The following PTPRT variants were observed in gnomAD, a reference collection of about 807,000 sequenced individuals.
PTPRT encodes protein tyrosine phosphatase receptor type T, also known as receptor-type tyrosine-protein phosphatase T.
In PTPRT, 56 loss-of-function variants were observed where a neutral mutation model predicts 176.8. The ratio of observed to expected loss-of-function variants is 0.32; its 90% CI spans 0.26 to 0.40. The LOEUF is 0.40. PTPRT is among the 10% of genes least tolerant of loss of function. PTPRT has a pLI of 1.00. For missense variants in PTPRT, 1,540 were observed against 1,908.2 expected (o/e 0.81, Z 3.60); for synonymous variants, 783 against 739.0 (o/e 1.06, Z -0.96).
At chr20:42,865,872 C>T (rs8124627) in intron 2 of PTPRT, among the ~76,000 whole-genome samples, 5,996 of 152,208 alleles carry the variant, frequency 0.039, 300 homozygotes, top group African/African-American at 0.11. Flanking sequence ...GCACTCCCTC[C>T]GTCTCCTTCT....
intron 7 of PTPRT, among the ~76,000 whole-genome samples, chr20:42,669,561 A>G (rs564383402): frequency 3.3e-5 from 5 of 152,218 alleles, no homozygotes; most frequent in Non-Finnish European, 5.9e-5. Context: ...CTAATTCAGA[A>G]CCCTAAGAGT....
At chr20:42,051,440 G>A in the PTPRT span, among the ~76,000 whole-genome samples, 6 of 152,170 alleles carry the variant, frequency 3.9e-5, no homozygotes, top group East Asian at 1.9e-4. Flanking sequence ...GTGAGAGTTC[G>A]CTCCTGCTTT....
chr20:42,436,448 C>T (rs1437772815), intron 9 of PTPRT, among the ~76,000 whole-genome samples: 1 of 152,098 alleles, frequency 6.6e-6, no homozygotes, highest in South Asian at 2.1e-4. Flanking sequence ...CAATATTCTA[C>T]CTCATTAATA....
At chr20:42,261,813 C>T (rs958724990) in intron 13 of PTPRT, among the ~76,000 whole-genome samples, 63 of 152,184 alleles carry the variant, frequency 4.1e-4, no homozygotes, top group African/African-American at 1.5e-3. Context: ...TAAGGGGTGA[C>T]TGTATTACCT....
At chr20:42,659,598 C>T (rs1159593907) in intron 7 of PTPRT, among the ~76,000 whole-genome samples, 2 of 152,152 alleles carry the variant, frequency 1.3e-5, no homozygotes, top group Non-Finnish European at 2.9e-5. Context: ...TCTAAGCTGC[C>T]ATGGCTTTGG....
At chr20:43,033,934 G>A (rs1010304465) in intron 1 of PTPRT, among the ~76,000 whole-genome samples, 12 of 152,276 alleles carry the variant, frequency 7.9e-5, no homozygotes, top group South Asian at 4.1e-4. Flanking sequence ...GCCTCTCACC[G>A]CACTACGCCT....
intron 8 of PTPRT, among the ~76,000 whole-genome samples, chr20:42,456,472 A>G (rs2070927243): frequency 6.6e-6 from 1 of 151,986 alleles, no homozygotes; most frequent in South Asian, 2.1e-4. Flanking sequence ...TTCATCTTTG[A>G]GTATGATGTT....
intron 1 of PTPRT, among the ~76,000 whole-genome samples, chr20:42,958,975 G>A (rs931968684): frequency 3.3e-5 from 5 of 152,164 alleles, no homozygotes; most frequent in Non-Finnish European, 5.9e-5. Context: ...TATTCCCACT[G>A]TCTGTCTTAA....
At chr20:42,213,641 G>A (rs983913174) in intron 15 of PTPRT, among the ~76,000 whole-genome samples, 1 of 152,198 alleles carries the variant, frequency 6.6e-6, no homozygotes, top group African/African-American at 2.4e-5. Context: ...GTCCTTACAA[G>A]GAGAGGGAAA....
intron 13 of PTPRT, among the ~76,000 whole-genome samples, chr20:42,276,643 T>A (rs1449407673): frequency 1.3e-5 from 2 of 148,396 alleles, no homozygotes; most frequent in Non-Finnish European, 3.0e-5. Context: ...AACTGACTTG[T>A]CCAAGGTCTA....
At chr20:42,289,551 C>A (rs1327204820) in intron 12 of PTPRT, among the ~76,000 whole-genome samples, 1 of 152,002 alleles carries the variant, frequency 6.6e-6, no homozygotes, top group African/African-American at 2.4e-5. Flanking sequence ...TGTTAATCAT[C>A]GGAGAAATGC....
At chr20:43,077,544 C>G (rs569652491) in intron 1 of PTPRT, among the ~76,000 whole-genome samples, 4 of 152,230 alleles carry the variant, frequency 2.6e-5, no homozygotes, top group South Asian at 4.2e-4. Flanking sequence ...CAAAAGAGAG[C>G]CCCTTATTGA....
intron 9 of PTPRT, among the ~76,000 whole-genome samples, chr20:42,388,183 A>G (rs1442952495): frequency 6.6e-6 from 1 of 152,218 alleles, no homozygotes; most frequent in Non-Finnish European, 1.5e-5. Flanking sequence ...AAGAAACGTG[A>G]TATAGCAATA....
At chr20:42,275,432 G>C (rs1357939425) in intron 13 of PTPRT, among the ~76,000 whole-genome samples, 1 of 152,196 alleles carries the variant, frequency 6.6e-6, no homozygotes, top group Non-Finnish European at 1.5e-5. Context: ...ATCTTGAGTA[G>C]ATAATTCTTA....
intron 6 of PTPRT, among the ~76,000 whole-genome samples, chr20:42,727,939 C>G (rs1390132071): frequency 6.6e-6 from 1 of 152,118 alleles, no homozygotes; most frequent in Non-Finnish European, 1.5e-5. Flanking sequence ...CAGCACCAAA[C>G]TTGGCACCAT....
At chr20:42,856,947 C>G (rs1440136647) in intron 2 of PTPRT, among the ~76,000 whole-genome samples, 1 of 152,160 alleles carries the variant, frequency 6.6e-6, no homozygotes, top group Non-Finnish European at 1.5e-5. Context: ...GGGCACTGGA[C>G]TAGCCAGAAA....
intron 9 of PTPRT, among the ~76,000 whole-genome samples, chr20:42,431,379 G>A (rs1263152853): frequency 6.6e-6 from 1 of 151,868 alleles, no homozygotes; most frequent in Non-Finnish European, 1.5e-5. Context: ...AAAAATAAAG[G>A]GATGGATAAG....
At chr20:42,689,571 T>C (rs1324220293) in intron 6 of PTPRT, among the ~76,000 whole-genome samples, 1 of 152,202 alleles carries the variant, frequency 6.6e-6, no homozygotes, top group Non-Finnish European at 1.5e-5. Flanking sequence ...TTCAGTATCA[T>C]ACACAGAATA....
At chr20:42,100,489 A>G (rs949449138) in intron 26 of PTPRT, among the ~76,000 whole-genome samples, 5 of 152,246 alleles carry the variant, frequency 3.3e-5, no homozygotes, top group Non-Finnish European at 7.3e-5. Context: ...GATGGCTCAC[A>G]GGAGAAATGC....
Sources: gnomAD v4.1 joint callset for allele counts (sites outside exome capture counted in the v4.1 genomes callset) on GRCh38, gnomAD v4.1.1 for gene constraint, MANE v1.5 for transcripts, NCBI Gene and HGNC (gene_info 2026-07-23, HGNC 2026-07-21) for gene names.